The following COL19A1 variants were observed in gnomAD, a reference collection of about 807,000 sequenced individuals.
COL19A1 encodes the protein collagen alpha-1(XIX) chain.
COL19A1 carries 159 observed loss-of-function variants against 190.2 expected under a neutral mutation model. The observed-to-expected ratio is 0.84, with a 90% CI of 0.73 to 0.95. COL19A1 has a LOEUF of 0.95. Among genes scored for constraint, COL19A1 ranks in the 40% least tolerant of loss-of-function variants. The pLI, the probability that COL19A1 is intolerant of heterozygous loss-of-function variation, is 0.00. For synonymous variants in COL19A1, 509 were observed against 458.9 expected, an observed-to-expected ratio of 1.11 and a Z score of -1.39; for missense variants, 1,418 against 1,431.9, an observed-to-expected ratio of 0.99 and a Z score of 0.16.
chr6:70,040,159 A>C (rs1468489103), intron 14 of COL19A1, among the ~76,000 whole-genome samples: 1 of 151,770 alleles, frequency 6.6e-6, no homozygotes, highest in Non-Finnish European at 1.5e-5. Flanking sequence ...CCAGTTCATC[A>C]AAAAAAATCT....
chr6:70,101,417 G>T (rs1783624351), intron 15 of COL19A1, among the ~76,000 whole-genome samples: 1 of 152,114 alleles, frequency 6.6e-6, no homozygotes, highest in Non-Finnish European at 1.5e-5. Context: ...ACTTAGAGAG[G>T]TTAGCACAAC....
intron 13 of COL19A1, among the ~76,000 whole-genome samples, chr6:70,034,714 A>G (rs1474062159): frequency 6.6e-6 from 1 of 152,184 alleles, no homozygotes; most frequent in Non-Finnish European, 1.5e-5. Flanking sequence ...ACTTTTTCTC[A>G]TAAAATAAGT....
At chr6:69,874,913 T>C (rs1039333977) in intron 1 of COL19A1, among the ~76,000 whole-genome samples, 1 of 152,210 alleles carries the variant, frequency 6.6e-6, no homozygotes, top group African/African-American at 2.4e-5. Context: ...TCAAGATTTG[T>C]AAATTGGCAG....
chr6:69,996,480 T>A (rs995759045), intron 11 of COL19A1, among the ~76,000 whole-genome samples: 1 of 152,196 alleles, frequency 6.6e-6, no homozygotes, highest in African/African-American at 2.4e-5. Context: ...GTTAAGATGG[T>A]AAGCTACAGG....
intron 4 of COL19A1, among the ~76,000 whole-genome samples, chr6:69,923,807 T>C (rs1772166172): frequency 6.6e-6 from 1 of 152,180 alleles, no homozygotes; most frequent in Admixed American, 6.6e-5. Context: ...TAAGGTGATT[T>C]ATAAACTACC....
At chr6:70,165,920 A>T in intron 36 of COL19A1, 21 bp from the exon 37 acceptor site, 1 of 1,612,400 alleles carries the variant, frequency 6.2e-7, no homozygotes, top group Non-Finnish European at 8.5e-7. Flanking sequence ...CGCCGCTGAT[A>T]TGTCTATATA....
chr6:69,986,542 T>C (rs1193046644), intron 11 of COL19A1, among the ~76,000 whole-genome samples: 1 of 152,152 alleles, frequency 6.6e-6, no homozygotes, highest in Non-Finnish European at 1.5e-5. Flanking sequence ...ATAAACTCTC[T>C]TAGAGATGGT....
intron 50 of COL19A1, 58 bp from the exon 51 acceptor site, chr6:70,207,089 T>C: frequency 1.2e-6 from 2 of 1,603,516 alleles, no homozygotes. Context: ...GGCTAGAGGG[T>C]GGGAGAGAGG....
intron 11 of COL19A1, among the ~76,000 whole-genome samples, chr6:69,963,770 C>T (rs1774935537): frequency 6.6e-6 from 1 of 152,150 alleles, no homozygotes; most frequent in Non-Finnish European, 1.5e-5. Context: ...AAACTAAATT[C>T]TGGGTGCTTA....
chr6:70,089,554 C>T (rs1016141945), intron 15 of COL19A1, among the ~76,000 whole-genome samples: 3 of 152,164 alleles, frequency 2.0e-5, no homozygotes, highest in African/African-American at 7.2e-5. Context: ...TTAGGCCAGC[C>T]AACTGACATA....
intron 7 of COL19A1, among the ~76,000 whole-genome samples, chr6:69,936,260 C>T (rs542644565): frequency 4.1e-4 from 62 of 152,188 alleles, no homozygotes; most frequent in African/African-American, 6.5e-4. Context: ...TTTTTAATAT[C>T]TTTAAGGAAC....
chr6:69,897,214 C>T (rs1769842428), intron 2 of COL19A1, among the ~76,000 whole-genome samples: 1 of 152,132 alleles, frequency 6.6e-6, no homozygotes, highest in South Asian at 2.1e-4. Flanking sequence ...GTTGACCCAG[C>T]ACCGTTTAGT....
chr6:69,982,509 G>A (rs576478910), intron 11 of COL19A1, among the ~76,000 whole-genome samples: 147 of 151,852 alleles, frequency 9.7e-4, no homozygotes, highest in African/African-American at 3.4e-3. Context: ...ACAGTGCTGG[G>A]ATTACAGGGG....
Position 69,933,919 on chromosome 6 carries a change from A to G in COL19A1, c.747+1056A>G, listed in dbSNP as rs145665889. On this transcript the variant is annotated intron_variant, in intron 7 of 50. Transcript: ENST00000620364. ...AAGGGGACTGGTTCTAAAAAAAAGT[A>G]CAGAAAGAGCATATGAAAAGTGCAA... 2.6e-3 allele frequency among the ~76,000 whole-genome samples: 393 copies of G among 152,182 alleles called. 2 individuals carry two copies. The highest frequency in any genetic ancestry group is 8.3e-3 in the African/African-American group (344 of 41,570).
chr6:70,041,743 A>G (rs976165160), intron 14 of COL19A1, among the ~76,000 whole-genome samples: 2 of 152,144 alleles, frequency 1.3e-5, no homozygotes, highest in African/African-American at 4.8e-5. Context: ...GTTCTAAACT[A>G]TTGCAAAAAT....
intron 15 of COL19A1, among the ~76,000 whole-genome samples, chr6:70,083,488 T>C (rs1365643155): frequency 3.3e-5 from 5 of 152,236 alleles, no homozygotes; most frequent in Non-Finnish European, 7.3e-5. Flanking sequence ...ATAAAAGTAC[T>C]GATTCATGAC....
intron 4 of COL19A1, among the ~76,000 whole-genome samples, chr6:69,911,445 C>T (rs1280761294): frequency 6.6e-6 from 1 of 151,968 alleles, no homozygotes; most frequent in African/African-American, 2.4e-5. Flanking sequence ...ATAAAATATT[C>T]AAATAATTGA....
At chr6:70,108,788 C>T (rs1038466099) in intron 16 of COL19A1, among the ~76,000 whole-genome samples, 2 of 152,064 alleles carry the variant, frequency 1.3e-5, no homozygotes, top group African/African-American at 4.8e-5. Flanking sequence ...TTTTCTAAAA[C>T]AAGTCTGATT....
At chr6:70,031,599 A>C (rs3793040) in intron 12 of COL19A1, among the ~76,000 whole-genome samples, 39,313 of 152,016 alleles carry the variant, frequency 0.26, 8,032 homozygotes, top group African/African-American at 0.56. Context: ...ACTTAATATA[A>C]TGACTTTCAG....
Sources: allele counts gnomAD v4.1 joint callset (sites outside exome capture counted in the v4.1 genomes callset), GRCh38; gene constraint gnomAD v4.1.1; transcripts MANE v1.5; gene names NCBI Gene and HGNC (gene_info 2026-07-23, HGNC 2026-07-21).